Variants in ZNF232 observed in about 807,000 individuals in gnomAD.
The protein encoded by ZNF232 is zinc finger and SCAN domain-containing protein 11.
In ZNF232, 25 loss-of-function variants were observed where a neutral mutation model predicts 25.2. The ratio of observed to expected loss-of-function variants is 0.99; its 90% CI spans 0.72 to 1.39. ZNF232 has a LOEUF of 1.39. Among genes scored for constraint, ZNF232 ranks in the 40% most tolerant of loss-of-function variants. The probability of loss-of-function intolerance (pLI) is 0.00; values close to 1 mark genes in which losing one functional copy is unlikely to be tolerated. For synonymous variants in ZNF232, 193 were observed against 182.9 expected (o/e 1.06, Z -0.45); for missense variants, 519 against 520.9 (o/e 1.00, Z 0.04).
rs369473212 is a variant in ZNF232, at chr17:5,107,748, C to T, written c.625+1178G>A. Among the ~76,000 whole-genome samples the T allele has an allele frequency of 1.7e-4, 26 of 152,232 alleles. No individual in the cohort carries two copies. In the East Asian group the frequency reaches 5.0e-3, roughly 30 times the overall value. On this transcript the variant is annotated intron_variant, in intron 3 of 3. Transcript: ENST00000575898. The stretch of plus-strand genomic sequence containing the variant: ...ACAGGGTTTCACCATGTTGGCCAGG[C>T]TGGTCTTGAACTCCTGACCCAAGTG...
chr17:5,111,936 T>G (rs1271322540), upstream of ZNF232: 3 of 1,461,984 alleles, frequency 2.1e-6, no homozygotes, highest in African/African-American at 4.3e-5. Context: ...GCCGCCGGCT[T>G]CCGTTCGCGG....
intron 3 of ZNF232, among the ~76,000 whole-genome samples, chr17:5,108,223 C>CGCATATTCACA (rs2072308987): frequency 6.6e-6 from 1 of 152,134 alleles, no homozygotes; most frequent in Non-Finnish European, 1.5e-5. Flanking sequence ...CTTGGTTAGC[C>CGCATATTCACA]GCATATTCAC....
intron 3 of ZNF232, among the ~76,000 whole-genome samples, chr17:5,108,009 G>A (rs1000195540): frequency 6.6e-6 from 1 of 152,068 alleles, no homozygotes; most frequent in Non-Finnish European, 1.5e-5. Context: ...AAGTAAAGGA[G>A]ACAAGAAAAA....
exon 4 of ZNF232, chr17:5,106,420 C>T: frequency 6.2e-7 from 1 of 1,614,238 alleles, no homozygotes; most frequent in Non-Finnish European, 8.5e-7. Context: ...GCAAGTTTTT[C>T]TGAGAACACC....
At chr17:5,114,888 A>T (rs1198029463), upstream of ZNF232, 1 of 152,248 alleles carries the variant, frequency 6.6e-6, no homozygotes, top group African/African-American at 2.4e-5. Context: ...TCTCTCTGCC[A>T]TGTGAGGACC....
upstream of ZNF232, among the ~76,000 whole-genome samples, chr17:5,116,194 G>A (rs1190057413): frequency 6.9e-6 from 1 of 145,102 alleles, no homozygotes; most frequent in Non-Finnish European, 1.6e-5. Context: ...CAGTCAGGAG[G>A]GGCCGCGGGC....
chr17:5,112,475 G>C (rs1356979608), upstream of ZNF232: 1 of 151,774 alleles, frequency 6.6e-6, no homozygotes, highest in Admixed American at 6.6e-5. Context: ...TATTTGAGAC[G>C]GAGTCTTGCT....
chr17:5,115,314 G>C (rs1367842442), upstream of ZNF232, among the ~76,000 whole-genome samples: 1 of 152,092 alleles, frequency 6.6e-6, no homozygotes, highest in African/African-American at 2.4e-5. Context: ...CACTTTGCGA[G>C]GCCGAGGCCA....
At chr17:5,109,866 C>T (rs2072355880) in exon 2 of ZNF232, 1 of 1,594,056 alleles carries the variant, frequency 6.3e-7, no homozygotes, top group Non-Finnish European at 8.5e-7. Context: ...TTGCAAGGGC[C>T]CCCTGTAACA....
At chr17:5,107,127 A>C (rs976417803) in intron 3 of ZNF232, among the ~76,000 whole-genome samples, 11 of 151,136 alleles carry the variant, frequency 7.3e-5, no homozygotes, top group African/African-American at 2.7e-4. Context: ...GGTGGCTCAC[A>C]CCTGTAACCC....
exon 1 of ZNF232, chr17:5,111,817 T>A: frequency 6.2e-7 from 1 of 1,613,732 alleles, no homozygotes; most frequent in Non-Finnish European, 8.5e-7. Flanking sequence ...GACCAGGAGG[T>A]TCCATCGGGG....
At chr17:5,111,939 G>T (rs2072425763), upstream of ZNF232, 1 of 1,449,312 alleles carries the variant, frequency 6.9e-7, no homozygotes, top group Admixed American at 2.3e-5. Context: ...GCCGGCTTCC[G>T]TTCGCGGACT....
At chr17:5,122,788 A>T (rs2072730998) in intron 1 of ZNF232, among the ~76,000 whole-genome samples, 1 of 152,158 alleles carries the variant, frequency 6.6e-6, no homozygotes, top group African/African-American at 2.4e-5. Context: ...CGGTAGGGCG[A>T]GGGGTCGGGG....
chr17:5,117,230 C>T (rs915221183), intron 1 of ZNF232, among the ~76,000 whole-genome samples: 13 of 152,268 alleles, frequency 8.5e-5, no homozygotes, highest in Admixed American at 2.0e-4. Flanking sequence ...ATTAAAAGCT[C>T]GATAAGCCTG....
upstream of ZNF232, chr17:5,116,640 G>A (rs2072545825): frequency 6.6e-6 from 1 of 152,278 alleles, no homozygotes; most frequent in African/African-American, 2.4e-5. Flanking sequence ...AGATACGTGA[G>A]GCCTGAACAG....
chr17:5,112,210 C>G (rs886274948), upstream of ZNF232: 1 of 319,228 alleles, frequency 3.1e-6, no homozygotes, highest in Non-Finnish European at 5.8e-6. Context: ...GAAATTCTGG[C>G]CTTGTCCATG....
upstream of ZNF232, chr17:5,112,322 A>G (rs2072436112): frequency 6.2e-6 from 1 of 161,128 alleles, no homozygotes; most frequent in African/African-American, 2.4e-5. Context: ...CCACGAAAAA[A>G]TATTCCCCAA....
At position 5,109,895 on chromosome 17, in the gene ZNF232, C is replaced by T. The variant is rs1036426746; in HGVS notation, c.24-27G>A. The T allele has an allele frequency of 4.8e-6, 6 of 1,237,642 alleles. 1 individual carries two copies. Among genetic ancestry groups the T allele is most frequent in the African/African-American group, 3.0e-5 (2 of 66,548 alleles). 76.7% of individuals were successfully genotyped at this position (1,237,642 alleles called of 1,614,324 possible). On this transcript the variant is annotated intron_variant, in intron 1 of 3. Transcript: ENST00000575898. ...TGTAACATAAGAAGAAATCATTCCT[C>T]TTTTTTTTTTTTAAGACAGAGTCTT...
At chr17:5,111,690 A>C (rs1597930473) in intron 1 of ZNF232, 110 bp downstream of exon 1, 1 of 1,569,714 alleles carries the variant, frequency 6.4e-7, no homozygotes, top group Non-Finnish European at 8.7e-7. Flanking sequence ...TCCACACACA[A>C]CCGCGGAGCT....
Sources: allele counts gnomAD v4.1 joint callset (sites outside exome capture counted in the v4.1 genomes callset), GRCh38; gene constraint gnomAD v4.1.1; transcripts MANE v1.5; gene names NCBI Gene and HGNC (gene_info 2026-07-23, HGNC 2026-07-21).